The following BCAS3 variants were observed in gnomAD, a reference collection of about 807,000 sequenced individuals.
BCAS3 encodes BCAS3 microtubule associated cell migration factor, also known as BCAS4/BCAS3 fusion.
In BCAS3, 53 loss-of-function variants were observed where a neutral mutation model predicts 116.1. The observed-to-expected ratio is 0.46, with a 90% CI of 0.37 to 0.57. BCAS3 has a LOEUF of 0.57. Among genes scored for constraint, BCAS3 ranks in the 20% least tolerant of loss-of-function variants. BCAS3 has a pLI of 0.00. For missense variants in BCAS3, 917 were observed against 1,165.4 expected, an observed-to-expected ratio of 0.79 and a Z score of 3.10; for synonymous variants, 391 against 408.2, an observed-to-expected ratio of 0.96 and a Z score of 0.51.
At chr17:60,957,208 C>G (rs1255715657) in intron 14 of BCAS3, among the ~76,000 whole-genome samples, 1 of 152,082 alleles carries the variant, frequency 6.6e-6, no homozygotes, top group African/African-American at 2.4e-5. Flanking sequence ...GCTTTTGAAA[C>G]AAAATCAGAA....
rs191286004 is a variant in BCAS3 at position 61,042,815 on chromosome 17, G to A, written c.2029+1923G>A. Among the ~76,000 whole-genome samples, 428 of 148,428 alleles carry A rather than the reference G, an allele frequency of 2.9e-3. 4 individuals carry two copies. Among genetic ancestry groups the A allele is most frequent in the Middle Eastern group, 0.017 (5 of 286 alleles). ...TGAGGCAGGAGGGTGACTTGAACCC[G>A]GGAGGTGGAGGTTGCAGTGAGCCAA... On this transcript the variant is annotated intron_variant, in intron 19 of 23. Transcript: ENST00000407086.
intron 8 of BCAS3, 109 bp downstream of exon 8, chr17:60,868,792 C>T (rs1337047008): frequency 1.8e-6 from 1 of 569,734 alleles, no homozygotes; most frequent in African/African-American, 2.0e-5. Flanking sequence ...TTAAAAATCT[C>T]AAGGAAACAC....
chr17:61,090,265 T>C (rs1405387361), intron 22 of BCAS3, among the ~76,000 whole-genome samples: 2 of 152,228 alleles, frequency 1.3e-5, no homozygotes, highest in Non-Finnish European at 2.9e-5. Context: ...ATGATGTGAT[T>C]TTCAATTAAT....
intron 22 of BCAS3, among the ~76,000 whole-genome samples, chr17:61,342,601 T>C (rs2057242020): frequency 6.6e-6 from 1 of 152,222 alleles, no homozygotes; most frequent in East Asian, 1.9e-4. Context: ...AAGCCCAGGC[T>C]AGCAGCCTCA....
At chr17:61,042,654 G>A (rs2067604792) in intron 19 of BCAS3, among the ~76,000 whole-genome samples, 2 of 151,868 alleles carry the variant, frequency 1.3e-5, no homozygotes, top group African/African-American at 2.4e-5. Context: ...TTGAGAGGCT[G>A]AAGCGGGAGG....
In BCAS3 at chr17:61,045,819, C is replaced by T. The variant is rs1272090855; in HGVS notation, c.2029+4927C>T. Among the ~76,000 whole-genome samples the T allele has an allele frequency of 4.0e-5, 2 of 50,326 alleles. 1 individual carries two copies. The highest frequency in any genetic ancestry group is 6.3e-5 in the Non-Finnish European group (2 of 31,652). The allele number at this position is 50,326 out of a possible 152,430, so 33.0% of individuals were successfully genotyped here. A position where few individuals can be genotyped will look rare whatever the true frequency, so the allele number is the denominator to read the frequency against. On this transcript the variant is annotated intron_variant, in intron 19 of 23. Transcript: ENST00000407086. Reference sequence around the variant, plus strand: ...CAACAGAGTGAGTGAGACTTCATCTCTCTTTCTCTCTCTCTCTCTCTCTCT... The same window carrying T: ...CAACAGAGTGAGTGAGACTTCATCTTTCTTTCTCTCTCTCTCTCTCTCTCT...
intron 19 of BCAS3, among the ~76,000 whole-genome samples, chr17:61,058,409 G>A (rs905333715): frequency 6.6e-6 from 1 of 152,148 alleles, no homozygotes; most frequent in Non-Finnish European, 1.5e-5. Flanking sequence ...CCTATATGAT[G>A]TGAAATCTGG....
At chr17:60,727,243 C>A (rs1224290968) in intron 5 of BCAS3, 6 of 976,364 alleles carry the variant, frequency 6.1e-6, no homozygotes, top group African/African-American at 3.2e-5. Context: ...TGACCACCAT[C>A]CTCTTGGATC....
chr17:61,374,131 CT>C (rs1568968518), intron 23 of BCAS3, among the ~76,000 whole-genome samples: 2 of 149,812 alleles, frequency 1.3e-5, no homozygotes, highest in Non-Finnish European at 1.5e-5. Flanking sequence ...TTAAAGTATT[CT>C]TGATGCATCT....
At chr17:60,766,394 T>A (rs2044097016) in intron 6 of BCAS3, among the ~76,000 whole-genome samples, 1 of 152,180 alleles carries the variant, frequency 6.6e-6, no homozygotes, top group African/African-American at 2.4e-5. Context: ...GTCCTTTTTG[T>A]TGATGTTGAT....
At chr17:60,929,680 T>C (rs2059541151) in intron 13 of BCAS3, among the ~76,000 whole-genome samples, 1 of 149,882 alleles carries the variant, frequency 6.7e-6, no homozygotes, top group African/African-American at 2.5e-5. Context: ...TAACTCGTCA[T>C]TTAGCATTAG....
chr17:60,884,292 C>A (rs1164727551), intron 9 of BCAS3, among the ~76,000 whole-genome samples: 1 of 7,896 alleles, frequency 1.3e-4, no homozygotes, highest in Non-Finnish European at 2.3e-4. Context: ...TGGTGATATC[C>A]CCTTTATCAT....
chr17:61,359,754 G>A (rs1311387383), intron 22 of BCAS3, among the ~76,000 whole-genome samples: 1 of 152,172 alleles, frequency 6.6e-6, no homozygotes, highest in Admixed American at 6.5e-5. Flanking sequence ...GCCTCCCGAA[G>A]TGCTGGGATT....
In BCAS3 at chr17:61,315,817, C is replaced by T. The variant is rs371822290; in HGVS notation, c.2426-52510C>T. ...TCCACATGCCGCTGCGTCCCCTCCA[C>T]GGCTCCCCTGCAGTAGCACACCTCT... On this transcript the variant is annotated intron_variant, in intron 22 of 23. Transcript: ENST00000407086. This position sits in a 1 kb window ranked among gnomAD's most constrained non-coding sequence, Gnocchi z 5.3. Among the ~76,000 whole-genome samples, 35 of 152,270 alleles carry T rather than the reference C, an allele frequency of 2.3e-4. No homozygotes were observed. The South Asian group carries it at 4.8e-3, about 21-fold the overall frequency.
chr17:60,746,971 T>C (rs2042060288), intron 5 of BCAS3, among the ~76,000 whole-genome samples: 1 of 152,188 alleles, frequency 6.6e-6, no homozygotes, highest in Non-Finnish European at 1.5e-5. Flanking sequence ...CAGACCCTTT[T>C]TTTCTGTTCA....
intron 22 of BCAS3, among the ~76,000 whole-genome samples, chr17:61,225,657 T>G (rs1040903169): frequency 6.6e-6 from 1 of 152,216 alleles, no homozygotes; most frequent in African/African-American, 2.4e-5. Context: ...GCTTTACTGC[T>G]TAAAGCGTCT....
chr17:61,276,322 C>T lies in BCAS3; in HGVS notation c.2426-92005C>T, dbSNP rs559858293. ...GAGCCAAGATCATGCCATTGCACTC[C>T]AGCCTGGGCTACAGGACGAGACTCC... On this transcript the variant is annotated intron_variant, in intron 22 of 23. Coordinates refer to ENST00000407086, the MANE Select transcript of BCAS3 (RefSeq NM_017679.5). This position sits in a 1 kb window ranked among gnomAD's most constrained non-coding sequence, Gnocchi z 4.2. 6.6e-6 allele frequency among the ~76,000 whole-genome samples: 1 copy of T among 152,244 alleles called. No individual in the cohort carries two copies. Among genetic ancestry groups the T allele is most frequent in the East Asian group, 1.9e-4 (1 of 5,188 alleles).
At chr17:60,916,581 T>A (rs1414447777) in intron 12 of BCAS3, among the ~76,000 whole-genome samples, 1 of 152,214 alleles carries the variant, frequency 6.6e-6, no homozygotes, top group Admixed American at 6.5e-5. Context: ...TCCTTTTTAA[T>A]GAATTTATAA....
intron 14 of BCAS3, among the ~76,000 whole-genome samples, chr17:60,950,743 C>A (rs185685432): frequency 6.6e-6 from 1 of 152,240 alleles, no homozygotes; most frequent in East Asian, 1.9e-4. Flanking sequence ...ATCTGCAGAG[C>A]GTTAATTGTT....
Sources: gnomAD v4.1 joint callset for allele counts (sites outside exome capture counted in the v4.1 genomes callset) on GRCh38, gnomAD v4.1.1 for gene constraint, Gnocchi (gnomAD v3.1) non-coding constraint, MANE v1.5 for transcripts, NCBI Gene and HGNC (gene_info 2026-07-23, HGNC 2026-07-21) for gene names.